Variants in CSMD1 observed in about 807,000 individuals in gnomAD.
CSMD1 encodes the protein CUB and Sushi multiple domains 1, also known as CUB and sushi domain-containing protein 1.
CSMD1 carries 213 observed loss-of-function variants against 417.5 expected under a neutral mutation model. The observed-to-expected ratio is 0.51, with a 90% CI of 0.46 to 0.57. CSMD1 has a LOEUF of 0.57. CSMD1 is among the 20% of genes least tolerant of loss of function. The pLI is 0.00. For synonymous variants in CSMD1, 2,862 were observed against 1,736.8 expected, an observed-to-expected ratio of 1.65 and a Z score of -16.11; for missense variants, 6,923 against 4,529.7, an observed-to-expected ratio of 1.53 and a Z score of -15.17.
Position 3,436,822 on chromosome 8 carries a change from A to G in CSMD1, c.1562-27217T>C, listed in dbSNP as rs148837376. Among the ~76,000 whole-genome samples the G allele has an allele frequency of 5.9e-3, 899 of 152,246 alleles. 7 individuals are homozygous for G. The highest frequency in any genetic ancestry group is 8.9e-3 in the Non-Finnish European group (608 of 68,020). On this transcript the variant is annotated intron_variant, in intron 12 of 69. Coordinates refer to ENST00000635120, the MANE Select transcript of CSMD1 (RefSeq NM_033225.6). ...AAACAAACACTGTCCATGGCTATAG[A>G]TTTTTGTCAGTATGCTAATATGTTA...
At chr8:4,800,921 T>C (rs1798250494) in intron 1 of CSMD1, among the ~76,000 whole-genome samples, 5 of 152,228 alleles carry the variant, frequency 3.3e-5, no homozygotes, top group Admixed American at 3.3e-4. Context: ...TTCTGTAATA[T>C]CGGAAATAAA....
At chr8:4,177,763 A>C (rs902899696) in intron 3 of CSMD1, among the ~76,000 whole-genome samples, 5 of 151,766 alleles carry the variant, frequency 3.3e-5, no homozygotes, top group African/African-American at 1.2e-4. Flanking sequence ...CACCGATCCC[A>C]CTGAAATACA....
At chr8:4,424,788 T>G (rs960004452) in intron 2 of CSMD1, among the ~76,000 whole-genome samples, 2 of 152,128 alleles carry the variant, frequency 1.3e-5, no homozygotes, top group Non-Finnish European at 2.9e-5. Context: ...AATATTCGGT[T>G]GTGTAATTAT....
intron 1 of CSMD1, among the ~76,000 whole-genome samples, chr8:4,707,886 C>CAAAAAAAAAAAAAAAAAA (rs552510236): frequency 8.9e-5 from 9 of 100,844 alleles, no homozygotes; most frequent in African/African-American, 1.8e-4. Flanking sequence ...GACTTTGTTT[C>CAAAAAAAAAAAAAAAAAA]AAAAAAAAAA....
At chr8:3,645,332 C>G (rs1389614172) in intron 7 of CSMD1, among the ~76,000 whole-genome samples, 1 of 152,222 alleles carries the variant, frequency 6.6e-6, no homozygotes, top group Non-Finnish European at 1.5e-5. Flanking sequence ...TTAAAACCTT[C>G]TGAGCAAAGA....
At chr8:4,297,438 A>G (rs1049105572) in intron 3 of CSMD1, among the ~76,000 whole-genome samples, 4 of 152,176 alleles carry the variant, frequency 2.6e-5, no homozygotes, top group Admixed American at 1.3e-4. Flanking sequence ...TTAAGGAAAA[A>G]CAGACATCAG....
At chr8:4,757,947 G>C (rs1421797982) in intron 1 of CSMD1, among the ~76,000 whole-genome samples, 3 of 127,328 alleles carry the variant, frequency 2.4e-5, no homozygotes, top group South Asian at 5.3e-4. Context: ...GCAACAGAGA[G>C]AGACTTTGTC....
chr8:3,373,395 T>G (rs1026232509), intron 18 of CSMD1: 1 of 152,216 alleles, frequency 6.6e-6, no homozygotes, highest in East Asian at 1.9e-4. Context: ...CAGGCTTGTT[T>G]AGATTTATAT....
chr8:3,816,585 G>C (rs957872246), intron 5 of CSMD1, among the ~76,000 whole-genome samples: 2 of 152,096 alleles, frequency 1.3e-5, no homozygotes, highest in Non-Finnish European at 2.9e-5. Flanking sequence ...TAATAGATTA[G>C]TAGGGTGACT....
intron 2 of CSMD1, among the ~76,000 whole-genome samples, chr8:4,616,576 T>A (rs1801485435): frequency 6.6e-6 from 1 of 152,238 alleles, no homozygotes. Context: ...CAGTAAACTT[T>A]GGTTAAATAC....
intron 2 of CSMD1, among the ~76,000 whole-genome samples, chr8:4,607,020 G>A (rs1196807875): frequency 6.6e-6 from 1 of 152,032 alleles, no homozygotes; most frequent in Non-Finnish European, 1.5e-5. Context: ...GAAATCCAGT[G>A]GTAAAGTTTG....
intron 28 of CSMD1, among the ~76,000 whole-genome samples, chr8:3,221,208 A>T (rs1387178343): frequency 1.3e-5 from 2 of 152,150 alleles, no homozygotes; most frequent in Admixed American, 1.3e-4. Flanking sequence ...GCATTATGCC[A>T]ACCTGTTTTG....
chr8:3,915,267 A>C (rs1442485920), intron 5 of CSMD1, among the ~76,000 whole-genome samples: 1 of 151,944 alleles, frequency 6.6e-6, no homozygotes, highest in East Asian at 1.9e-4. Flanking sequence ...TTATCTGGGC[A>C]TGGTAGTGTG....
At chr8:3,493,864 G>C (rs917004569) in intron 10 of CSMD1, 138 bp from the exon 11 acceptor site, 1 of 579,176 alleles carries the variant, frequency 1.7e-6, no homozygotes, top group Non-Finnish European at 3.0e-6. Context: ...GCTGCTTTAA[G>C]TAGTTACATG....
rs1056724273 is a variant in CSMD1 at position 4,377,426 on chromosome 8, G to T, written c.415+42527C>A. 7.9e-5 allele frequency among the ~76,000 whole-genome samples: 12 copies of T among 152,214 alleles called. No homozygotes were observed. The East Asian group carries it at 1.2e-3, about 15-fold the overall frequency. On this transcript the variant is annotated intron_variant, in intron 3 of 69. Transcript: ENST00000635120. ...CTTAAATCTATTCAGTTTTCAATGCGAAGTGAGAGGTTAAATTGATTTTTT... is the reference window on the plus strand; with the variant it reads ...CTTAAATCTATTCAGTTTTCAATGCTAAGTGAGAGGTTAAATTGATTTTTT...
intron 6 of CSMD1, among the ~76,000 whole-genome samples, chr8:3,718,733 A>G (rs992017279): frequency 6.6e-6 from 1 of 152,162 alleles, no homozygotes; most frequent in Non-Finnish European, 1.5e-5. Flanking sequence ...GCTTTACTGG[A>G]AGAAAGGCAA....
At chr8:3,598,784 C>G (rs1448746771) in intron 8 of CSMD1, among the ~76,000 whole-genome samples, 2 of 152,094 alleles carry the variant, frequency 1.3e-5, no homozygotes, top group Admixed American at 6.5e-5. Flanking sequence ...ATACAAAGCA[C>G]AGAAAAGCTG....
intron 36 of CSMD1, among the ~76,000 whole-genome samples, chr8:3,185,640 C>A (rs1480654004): frequency 6.6e-6 from 1 of 152,146 alleles, no homozygotes; most frequent in African/African-American, 2.4e-5. Context: ...CGAGGGAAGG[C>A]TTAATATGAG....
chr8:4,349,977 T>A (rs778922138), intron 3 of CSMD1, among the ~76,000 whole-genome samples: 4 of 152,170 alleles, frequency 2.6e-5, no homozygotes, highest in Non-Finnish European at 4.4e-5. Flanking sequence ...ACTTAAGGGA[T>A]CCAAAGTAAT....
Sources: gnomAD v4.1 joint callset for allele counts (sites outside exome capture counted in the v4.1 genomes callset) on GRCh38, gnomAD v4.1.1 for gene constraint, MANE v1.5 for transcripts, NCBI Gene and HGNC (gene_info 2026-07-23, HGNC 2026-07-21) for gene names.